The following FHOD3 variants were observed in gnomAD, a reference collection of about 807,000 sequenced individuals.
The protein encoded by FHOD3 is FH1/FH2 domain-containing protein 3.
In FHOD3, 90 loss-of-function variants were observed where a neutral mutation model predicts 173.0. That is an observed-to-expected ratio of 0.52 (90% confidence interval 0.44 to 0.62). The LOEUF is 0.62. Ranked by LOEUF, FHOD3 falls within the 20% of genes least tolerant of loss-of-function variation. The pLI is 0.00. For missense variants in FHOD3, 1,945 were observed against 2,034.7 expected (o/e 0.96, Z 0.85); for synonymous variants, 828 against 823.0 (o/e 1.01, Z -0.10).
intron 8 of FHOD3, among the ~76,000 whole-genome samples, chr18:36,608,582 G>A (rs905660698): frequency 2.6e-5 from 4 of 152,120 alleles, no homozygotes; most frequent in Admixed American, 6.6e-5. Context: ...ACATGGAGAT[G>A]GATCACCTTC....
intron 17 of FHOD3, among the ~76,000 whole-genome samples, chr18:36,706,306 A>G (rs1429504128): frequency 1.3e-5 from 2 of 152,118 alleles, no homozygotes; most frequent in Non-Finnish European, 2.9e-5. Context: ...CATCATTAGG[A>G]TGGCCTCAGA....
At chr18:36,547,587 A>G (rs983624271) in intron 5 of FHOD3, among the ~76,000 whole-genome samples, 5 of 152,172 alleles carry the variant, frequency 3.3e-5, no homozygotes, top group Admixed American at 2.6e-4. Context: ...ATCTCATTTT[A>G]AAACCAAGGA....
chr18:36,484,349 G>A (rs1366892555), intron 3 of FHOD3, among the ~76,000 whole-genome samples: 1 of 149,526 alleles, frequency 6.7e-6, no homozygotes, highest in Admixed American at 6.6e-5. Flanking sequence ...GGATGTGCGT[G>A]GACTCCTATG....
chr18:36,598,763 A>T lies in FHOD3; in HGVS notation c.718+3865A>T, dbSNP rs184963187. Among the ~76,000 whole-genome samples the T allele has an allele frequency of 7.2e-3, 1,088 of 152,150 alleles. 9 individuals carry two copies. The highest frequency in any genetic ancestry group is 0.025 in the African/African-American group (1,033 of 41,526). On this transcript the variant is annotated intron_variant, in intron 7 of 28. Transcript: ENST00000590592. Reference sequence around the variant, plus strand: ...ACTGGGTTTCACTGTGTTAGCCAGGATGGTCTCCATCTCCTGACCTCATGA... The same window carrying T: ...ACTGGGTTTCACTGTGTTAGCCAGGTTGGTCTCCATCTCCTGACCTCATGA...
At chr18:36,301,298 T>G (rs981209971) in intron 1 of FHOD3, among the ~76,000 whole-genome samples, 1 of 152,228 alleles carries the variant, frequency 6.6e-6, no homozygotes, top group African/African-American at 2.4e-5. Flanking sequence ...ATGTAGTAAC[T>G]TAGTTCACGT....
At chr18:36,363,253 T>C (rs1444278854) in intron 2 of FHOD3, among the ~76,000 whole-genome samples, 1 of 152,228 alleles carries the variant, frequency 6.6e-6, no homozygotes, top group Non-Finnish European at 1.5e-5. Context: ...CTTACAAAGC[T>C]AAATGTAGGC....
intron 3 of FHOD3, among the ~76,000 whole-genome samples, chr18:36,450,296 A>T (rs2051752981): frequency 6.6e-6 from 1 of 152,154 alleles, no homozygotes; most frequent in Non-Finnish European, 1.5e-5. Context: ...TTAACGTGAG[A>T]GGGAAGGCAG....
In FHOD3 at chr18:36,769,365, A is replaced by C. The variant is rs2043275326; in HGVS notation, c.4725A>C (p.Gln1575His). 2 of 1,614,044 alleles carry C rather than the reference A, an allele frequency of 1.2e-6. No individual in the cohort carries two copies. The highest frequency in any genetic ancestry group is 1.3e-5 in the African/African-American group (1 of 74,914). ...ACCGCATCGTCAAGTCAGCCACCCA[A>C]GTGCCCAGTCAGCGAGTGGTGCCGA... ...IMDRIVKSAT[Q>H]VPSQRVVPRE... is the part of the protein sequence containing the mutation. Residue 1575 changes from glutamine (Q) to histidine (H), a missense_variant, in exon 28 of 29, where the codon CAA (glutamine) becomes CAC (histidine). By Grantham distance (24) the Gln-to-His change is conservative. This residue lies in a region of FHOD3 where 354 missense variants were observed against 359.9 expected (regional missense o/e 0.98). Transcript: ENST00000590592.
intron 27 of FHOD3, among the ~76,000 whole-genome samples, chr18:36,767,203 G>C (rs530263755): frequency 6.6e-6 from 1 of 152,216 alleles, no homozygotes; most frequent in East Asian, 1.9e-4. Flanking sequence ...ATAGCAAGTA[G>C]ATCAAGTTCC....
Position 36,565,532 on chromosome 18 carries a change from A to T in FHOD3, c.512-10919A>T, listed in dbSNP as rs180718908. ...ATTCCCAATGTGCAAATCACAGATC[A>T]TTCCTCCCAAAACAAAATAAAACCT... On this transcript the variant is annotated intron_variant, in intron 5 of 28. Transcript: ENST00000590592. Among the ~76,000 whole-genome samples, 365 of 152,300 alleles carry T rather than the reference A, an allele frequency of 2.4e-3. 1 individual carries two copies. Among genetic ancestry groups the T allele is most frequent in the Admixed American group, 8.8e-3 (134 of 15,302 alleles).
At chr18:36,587,127 G>T (rs2059061779) in intron 6 of FHOD3, among the ~76,000 whole-genome samples, 1 of 151,810 alleles carries the variant, frequency 6.6e-6, no homozygotes, top group Non-Finnish European at 1.5e-5. Context: ...GCAAGGGAAG[G>T]AATAGTCATG....
chr18:36,339,466 A>G (rs2045497881), intron 1 of FHOD3, among the ~76,000 whole-genome samples: 1 of 152,224 alleles, frequency 6.6e-6, no homozygotes, highest in Non-Finnish European at 1.5e-5. Flanking sequence ...ATTTAATGCT[A>G]TGTGGCTATA....
At chr18:36,478,026 G>A (rs1392004771) in intron 3 of FHOD3, among the ~76,000 whole-genome samples, 3 of 152,202 alleles carry the variant, frequency 2.0e-5, no homozygotes, top group Non-Finnish European at 2.9e-5. Context: ...AGAGAGGCAG[G>A]AGGCCCCAGG....
chr18:36,319,051 C>G lies in FHOD3; in HGVS notation c.165+21051C>G, dbSNP rs537849530. Reference sequence around the variant, plus strand: ...TATTGATTTGTGTATGTTGAACCAGCCTTGCATTCCAGGGATGAAACTGAC... The same window carrying G: ...TATTGATTTGTGTATGTTGAACCAGGCTTGCATTCCAGGGATGAAACTGAC... On this transcript the variant is annotated intron_variant, in intron 1 of 28. Coordinates refer to ENST00000590592, the MANE Select transcript of FHOD3 (RefSeq NM_001281740.3). Among the ~76,000 whole-genome samples, 9 of 152,278 alleles carry G rather than the reference C, an allele frequency of 5.9e-5. No individual in the cohort carries two copies. In the South Asian group the frequency reaches 1.9e-3, roughly 32 times the overall value.
At chr18:36,585,779 A>G (rs747220988) in intron 6 of FHOD3, among the ~76,000 whole-genome samples, 1 of 152,252 alleles carries the variant, frequency 6.6e-6, no homozygotes, top group Admixed American at 6.5e-5. Flanking sequence ...CAGGGCAACC[A>G]GATGAGTTTT....
chr18:36,330,673 AG>A (rs1349109713), intron 1 of FHOD3, among the ~76,000 whole-genome samples: 2 of 152,326 alleles, frequency 1.3e-5, no homozygotes, highest in Admixed American at 1.3e-4. Context: ...AGAGGTAGGC[AG>A]GGTGACTTGG....
At chr18:36,596,374 A>G (rs1428065186) in intron 7 of FHOD3, among the ~76,000 whole-genome samples, 1 of 121,442 alleles carries the variant, frequency 8.2e-6, no homozygotes, top group African/African-American at 3.3e-5. Context: ...TAGTAGAGAC[A>G]GGGTATCACC....
At position 36,531,518 on chromosome 18, in the gene FHOD3, C is replaced by T. The variant is rs557117213; in HGVS notation, c.511+18975C>T. On this transcript the variant is annotated intron_variant, in intron 5 of 28. Transcript: ENST00000590592. Reference sequence around the variant, plus strand: ...GTTCTGCCTGCTGGCCCCATCTTGCCTCCCTTCCTAAATCACAGAAAAGCT... The same window carrying T: ...GTTCTGCCTGCTGGCCCCATCTTGCTTCCCTTCCTAAATCACAGAAAAGCT... Among the ~76,000 whole-genome samples the T allele has an allele frequency of 1.1e-4, 16 of 152,314 alleles. No individual in the cohort carries two copies. The South Asian group carries it at 3.3e-3, about 32-fold the overall frequency.
At chr18:36,624,489 G>A (rs1035581346) in intron 9 of FHOD3, among the ~76,000 whole-genome samples, 2 of 152,138 alleles carry the variant, frequency 1.3e-5, no homozygotes, top group East Asian at 1.9e-4. Flanking sequence ...CCCTGGCTAC[G>A]AAGAGTCATC....
Sources: allele counts gnomAD v4.1 joint callset (sites outside exome capture counted in the v4.1 genomes callset), GRCh38; gene constraint gnomAD v4.1.1; regional missense constraint gnomAD v4.1.1; transcripts MANE v1.5; gene names NCBI Gene and HGNC (gene_info 2026-07-23, HGNC 2026-07-21).